CHD7: variants seen among roughly 807,000 people sequenced by gnomAD.
The protein encoded by CHD7 is chromodomain helicase DNA binding protein 7, also known as ATP-dependent chromatin remodeler CHD7.
A neutral mutation model predicts 307.3 loss-of-function variants in CHD7; 24 were observed. The ratio of observed to expected loss-of-function variants is 0.08; its 90% CI spans 0.06 to 0.11. CHD7 has a LOEUF of 0.11. Ranked by LOEUF, CHD7 falls within the 10% of genes least tolerant of loss-of-function variation. CHD7 has a pLI of 1.00. For synonymous variants in CHD7, 1,363 were observed against 1,349.9 expected, an observed-to-expected ratio of 1.01 and a Z score of -0.21; for missense variants, 3,106 against 3,727.1, an observed-to-expected ratio of 0.83 and a Z score of 4.34.
Position 60,856,523 on chromosome 8 carries a change from G to T in CHD7, c.7243G>T (p.Ala2415Ser), listed in dbSNP as rs41315633. 1 of 1,613,992 alleles carries T rather than the reference G, an allele frequency of 6.2e-7. No individual in the cohort carries two copies. The highest frequency in any genetic ancestry group is 8.5e-7 in the Non-Finnish European group (1 of 1,179,878). ...RKIEIEAERA[A>S]KRRNLMEMVA... ...AATCGAAATTGAGGCCGAAAGAGCT[G>T]CCAAGAGGCGAAATCTCATGGAGAT... Residue 2415 changes from alanine to serine, a missense_variant, in exon 34 of 38, where the codon GCC becomes TCC. This residue lies in a region of CHD7 where 1,030 missense variants were observed against 1,165.4 expected (regional missense o/e 0.88). Coordinates refer to ENST00000423902, the MANE Select transcript of CHD7 (RefSeq NM_017780.4).
chr8:60,821,683 TAC>T (rs1220658649), intron 9 of CHD7, 105 bp from the exon 10 acceptor site: 4 of 873,296 alleles, frequency 4.6e-6, no homozygotes, highest in Admixed American at 6.3e-5. Flanking sequence ...AACATATATA[TAC>T]ACACATACAT....
chr8:60,715,646 C>T (rs540561672), intron 1 of CHD7, among the ~76,000 whole-genome samples: 1 of 152,128 alleles, frequency 6.6e-6, no homozygotes, highest in East Asian at 1.9e-4. Context: ...TCCACTTGGC[C>T]AAAGGAGCTT....
chr8:60,829,259 A>C (rs1804391344), intron 14 of CHD7, among the ~76,000 whole-genome samples: 2 of 152,222 alleles, frequency 1.3e-5, no homozygotes, highest in Admixed American at 6.5e-5. Flanking sequence ...CTTAGGGCAT[A>C]ACCACTGCAC....
intron 3 of CHD7, among the ~76,000 whole-genome samples, chr8:60,784,509 A>G (rs1811403020): frequency 6.6e-6 from 1 of 152,146 alleles, no homozygotes; most frequent in Non-Finnish European, 1.5e-5. Context: ...AGGGTGCTCT[A>G]GCTTTCTCTG....
rs187330379 is a variant in CHD7 at position 60,763,265 on chromosome 8, G to C, written c.1666-17735G>C. On this transcript the variant is annotated intron_variant, in intron 2 of 37. Coordinates refer to ENST00000423902, the MANE Select transcript of CHD7 (RefSeq NM_017780.4). ...AAATCATATTTAATAGAGAAATACTGATGAGATATTTTACATTGTTTTTGT... is the reference window on the plus strand; with the variant it reads ...AAATCATATTTAATAGAGAAATACTCATGAGATATTTTACATTGTTTTTGT... Among the ~76,000 whole-genome samples, 148 of 152,276 alleles carry C rather than the reference G, an allele frequency of 9.7e-4. No homozygotes were observed. The East Asian group carries it at 0.018, about 18-fold the overall frequency.
intron 1 of CHD7, among the ~76,000 whole-genome samples, chr8:60,722,070 CCTTTT>C (rs1347792320): frequency 2.6e-5 from 4 of 152,294 alleles, no homozygotes; most frequent in South Asian, 4.1e-4. Flanking sequence ...GTATTTCCTT[CCTTTT>C]CTTCACCAGA....
chr8:60,814,919 CATCCCAA>C (rs1803654012), intron 7 of CHD7, among the ~76,000 whole-genome samples: 2 of 152,212 alleles, frequency 1.3e-5, no homozygotes, highest in Non-Finnish European at 2.9e-5. Flanking sequence ...AATGGTTAAG[CATCCCAA>C]ATCTGAAATC....
In CHD7 at chr8:60,867,276, A is replaced by G. The variant is rs1378021134; in HGVS notation, c.*1343A>G. 6.6e-6 allele frequency: 1 copy of G among 152,236 alleles called. No homozygotes were observed. Among genetic ancestry groups the G allele is most frequent in the Non-Finnish European group, 1.5e-5 (1 of 68,042 alleles). 9.4% of individuals were successfully genotyped at this position (152,236 alleles called of 1,614,324 possible). On this transcript the variant is annotated 3_prime_UTR_variant, in exon 38 of 38. Coordinates refer to ENST00000423902, the MANE Select transcript of CHD7 (RefSeq NM_017780.4). Reference sequence around the variant, plus strand: ...AACAGGCACAATATCTAGGTCATTTATCCTTGGTTAATGGGTAGAAAAACA... The same window carrying G: ...AACAGGCACAATATCTAGGTCATTTGTCCTTGGTTAATGGGTAGAAAAACA...
At chr8:60,809,686 A>AAAAAAAAAAAAAAAAAAG (rs1812703983) in intron 7 of CHD7, 1 of 140,166 alleles carries the variant, frequency 7.1e-6, no homozygotes, top group Non-Finnish European at 1.5e-5. Context: ...AAAAAAAAAA[A>AAAAAAAAAAAAAAAAAAG]AAAAAAAAGA....
At chr8:60,827,916 T>C (rs961978498) in intron 13 of CHD7, among the ~76,000 whole-genome samples, 1 of 152,040 alleles carries the variant, frequency 6.6e-6, no homozygotes, top group Non-Finnish European at 1.5e-5. Flanking sequence ...AAGTAGAAAA[T>C]AATAGGGTTC....
chr8:60,862,502 G>T, intron 36 of CHD7, 46 bp from the exon 37 acceptor site: 1 of 1,517,446 alleles, frequency 6.6e-7, no homozygotes. Flanking sequence ...ACAGAAAGGG[G>T]AGGGAAGACT....
Position 60,865,076 on chromosome 8 carries a change from G to T in CHD7, c.8137G>T (p.Gly2713Ter). The T allele has an allele frequency of 6.2e-7, 1 of 1,609,984 alleles. No individual in the cohort carries two copies. ...LLTGPVVRGE[G>*]ASRRGRRPKS... Reference sequence around the variant, plus strand: ...CACTGGGCCTGTAGTGCGGGGAGAGGGAGCGAGCAGAAGAGGAAGAAGGCC... The same window carrying T: ...CACTGGGCCTGTAGTGCGGGGAGAGTGAGCGAGCAGAAGAGGAAGAAGGCC... Residue 2713 changes from glycine (G) to a stop codon, truncating the protein, a stop_gained, in exon 38 of 38, where the codon GGA becomes TGA. Coordinates refer to ENST00000423902, the MANE Select transcript of CHD7 (RefSeq NM_017780.4). LOFTEE classifies it high-confidence loss of function. This position sits in a 1 kb window ranked among gnomAD's most constrained non-coding sequence, Gnocchi z 4.3.
rs71245516 is a variant in CHD7, at chr8:60,714,406, G to GCCCCCCCCCCCCCCCCCCCCCCCCCCCC, written c.-174-26832_-174-26831insCCCCCCCCCCCCCCCCCCCCCCCCCCCC. On this transcript the variant is annotated intron_variant, in intron 1 of 37. Coordinates refer to ENST00000423902, the MANE Select transcript of CHD7 (RefSeq NM_017780.4). Reference sequence around the variant, plus strand: ...CTGACAACATGGCGGCCGGGAGAAGGCCCCCCCCCCCCCCCCCCCCCGCCC... The same window carrying GCCCCCCCCCCCCCCCCCCCCCCCCCCCC: ...CTGACAACATGGCGGCCGGGAGAAGGCCCCCCCCCCCCCCCCCCCCCCCCCCCCCCCCCCCCCCCCCCCCCCCCCGCCC... 1.1e-4 allele frequency among the ~76,000 whole-genome samples: 2 copies of GCCCCCCCCCCCCCCCCCCCCCCCCCCCC among 17,622 alleles called. 1 individual carries two copies. The highest frequency in any genetic ancestry group is 1.5e-3 in the Admixed American group (2 of 1,292). The allele number at this position is 17,622 out of a possible 152,430, so 11.6% of individuals were successfully genotyped here.
chr8:60,794,101 A>C, intron 3 of CHD7, among the ~76,000 whole-genome samples: 1 of 152,188 alleles, frequency 6.6e-6, no homozygotes, highest in South Asian at 2.1e-4. Flanking sequence ...TAGCCTGGGC[A>C]ACAAGAGTGA....
intron 14 of CHD7, 54 bp from the exon 15 acceptor site, chr8:60,830,268 T>A: frequency 6.5e-7 from 1 of 1,546,140 alleles, no homozygotes; most frequent in Non-Finnish European, 8.8e-7. Context: ...TTAAAATATG[T>A]TTTAACTTGC....
intron 2 of CHD7, among the ~76,000 whole-genome samples, chr8:60,753,876 C>G (rs374605440): frequency 1.3e-5 from 2 of 152,008 alleles, no homozygotes; most frequent in African/African-American, 4.8e-5. Flanking sequence ...CCACCTGCCT[C>G]AGCCTCCCAA....
chr8:60,762,901 C>T (rs889671555), intron 2 of CHD7, among the ~76,000 whole-genome samples: 4 of 151,952 alleles, frequency 2.6e-5, no homozygotes, highest in African/African-American at 7.3e-5. Context: ...TGCTGGAGGA[C>T]GTGTCTTCAG....
At chr8:60,834,288 ATATTT>A (rs559772400) in intron 15 of CHD7, among the ~76,000 whole-genome samples, 137 of 152,226 alleles carry the variant, frequency 9.0e-4, no homozygotes, top group Non-Finnish European at 1.3e-3. Flanking sequence ...CTAAAATACT[ATATTT>A]TATATTGTGG....
At chr8:60,764,601 G>A (rs900000337) in intron 2 of CHD7, among the ~76,000 whole-genome samples, 2 of 152,182 alleles carry the variant, frequency 1.3e-5, no homozygotes, top group Non-Finnish European at 2.9e-5. Context: ...GATGAGGTAA[G>A]AAGCTCATCC....
Sources: gnomAD v4.1 joint callset for allele counts (sites outside exome capture counted in the v4.1 genomes callset) on GRCh38, gnomAD v4.1.1 for gene constraint, gnomAD v4.1.1 regional missense constraint, Gnocchi (gnomAD v3.1) non-coding constraint, MANE v1.5 for transcripts, NCBI Gene and HGNC (gene_info 2026-07-23, HGNC 2026-07-21) for gene names.